PLD5: variants seen among roughly 807,000 people sequenced by gnomAD.
PLD5 encodes the protein phospholipase D family member 5.
A neutral mutation model predicts 61.1 loss-of-function variants in PLD5; 36 were observed. The observed-to-expected ratio is 0.59, with a 90% CI of 0.45 to 0.78. The LOEUF is 0.78. PLD5 is among the 30% of genes least tolerant of loss of function. The pLI is 0.00. For synonymous variants in PLD5, 243 were observed against 242.8 expected, an observed-to-expected ratio of 1.00 and a Z score of -0.01; for missense variants, 515 against 644.4, an observed-to-expected ratio of 0.80 and a Z score of 2.17.
At chr1:242,275,672 G>C (rs1278456418) in intron 3 of PLD5, among the ~76,000 whole-genome samples, 9 of 152,186 alleles carry the variant, frequency 5.9e-5, no homozygotes, top group Non-Finnish European at 1.5e-5. Flanking sequence ...GGAAGACAGA[G>C]CAAGGGAAAA....
At chr1:242,471,463 T>C (rs1418741723) in intron 1 of PLD5, among the ~76,000 whole-genome samples, 1 of 152,124 alleles carries the variant, frequency 6.6e-6, no homozygotes, top group Non-Finnish European at 1.5e-5. Context: ...AGGAAGTTAA[T>C]TCCTGAGCGA....
intron 1 of PLD5, among the ~76,000 whole-genome samples, chr1:242,393,514 A>ATATGTGTATATATGAG: frequency 1.2e-5 from 1 of 80,224 alleles, no homozygotes; most frequent in Admixed American, 1.6e-4. Flanking sequence ...ATATGAGTAT[A>ATATGTGTATATATGAG]TATATATGTG....
chr1:242,377,911 TTGG>T (rs1662057343), intron 1 of PLD5, among the ~76,000 whole-genome samples: 1 of 152,130 alleles, frequency 6.6e-6, no homozygotes, highest in Admixed American at 6.5e-5. Flanking sequence ...CTATACATTG[TTGG>T]TGGGAATGTA....
chr1:242,400,058 C>T (rs1347399236), intron 1 of PLD5, among the ~76,000 whole-genome samples: 1 of 152,116 alleles, frequency 6.6e-6, no homozygotes, highest in East Asian at 1.9e-4. Flanking sequence ...ATCTCAGCTA[C>T]TTGGCAGCGT....
chr1:242,086,911 C>T lies in PLD5; in HGVS notation c.*2943G>A, dbSNP rs1659503109. ...TCATAATTTCTGGCATGGACATCCA[C>T]CAGAGGGTGTCAAATTAACCTGTTT... On this transcript the variant is annotated 3_prime_UTR_variant, in exon 10 of 10. Transcript: ENST00000536534. The T allele has an allele frequency of 6.6e-6, 1 of 151,852 alleles. No individual in the cohort carries two copies. The highest frequency in any genetic ancestry group is 2.4e-5 in the African/African-American group (1 of 41,312). 9.4% of individuals were successfully genotyped at this position (151,852 alleles called of 1,614,324 possible). A position where few individuals can be genotyped will look rare whatever the true frequency, so the allele number is the denominator to read the frequency against.
At chr1:242,279,821 C>A (rs1252233315) in intron 3 of PLD5, among the ~76,000 whole-genome samples, 1 of 152,226 alleles carries the variant, frequency 6.6e-6, no homozygotes, top group Non-Finnish European at 1.5e-5. Context: ...CGTTGGCCAC[C>A]ACGCCCGGCA....
chr1:242,206,288 C>A (rs145616592), intron 5 of PLD5, among the ~76,000 whole-genome samples: 2 of 152,216 alleles, frequency 1.3e-5, no homozygotes, highest in South Asian at 4.1e-4. Flanking sequence ...CGCCTACTCC[C>A]TCTGGCTGAG....
At chr1:242,529,338 A>C (rs1669505287), upstream of PLD5, among the ~76,000 whole-genome samples, 3 of 152,184 alleles carry the variant, frequency 2.0e-5, no homozygotes, top group African/African-American at 7.2e-5. Context: ...TCTATGTACA[A>C]ACTTACTTTA....
Position 242,288,733 on chromosome 1 carries a change from C to G in PLD5, c.327-203G>C, listed in dbSNP as rs1675177306. Among the ~76,000 whole-genome samples, 3 of 152,300 alleles carry G rather than the reference C, an allele frequency of 2.0e-5. No homozygotes were observed. In the Middle Eastern group the frequency reaches 0.01, roughly 518 times the overall value. ...ACCTACTGTGTTCTGAGAGTTTATG[C>G]TCTATTTTTCCATAGTTAGCACTCA... On this transcript the variant is annotated intron_variant, in intron 2 of 9. Coordinates refer to ENST00000536534, the MANE Select transcript of PLD5 (RefSeq NM_001372062.1).
At chr1:242,197,041 C>G (rs1007896078) in intron 5 of PLD5, among the ~76,000 whole-genome samples, 3 of 152,032 alleles carry the variant, frequency 2.0e-5, no homozygotes, top group Non-Finnish European at 1.5e-5. Flanking sequence ...TGCCCCCTCT[C>G]AAGTAGGAGG....
At chr1:242,348,343 G>C in intron 1 of PLD5, 101 bp from the exon 2 acceptor site, 1 of 1,297,522 alleles carries the variant, frequency 7.7e-7, no homozygotes, top group Non-Finnish European at 1.0e-6. Flanking sequence ...AAATGGGTGG[G>C]GATACGATTA....
chr1:242,165,892 C>T (rs1189644859), intron 5 of PLD5, among the ~76,000 whole-genome samples: 1 of 152,108 alleles, frequency 6.6e-6, no homozygotes, highest in Admixed American at 6.5e-5. Flanking sequence ...TGACACACAC[C>T]CTATTCCCTT....
intron 1 of PLD5, among the ~76,000 whole-genome samples, chr1:242,367,552 A>G (rs1472070190): frequency 2.0e-5 from 3 of 152,334 alleles, no homozygotes; most frequent in East Asian, 1.9e-4. Context: ...CTACTAGCAC[A>G]TGAATGCCTC....
At chr1:242,360,912 G>C (rs1661029895) in intron 1 of PLD5, among the ~76,000 whole-genome samples, 1 of 152,026 alleles carries the variant, frequency 6.6e-6, no homozygotes. Context: ...CATTAATCTA[G>C]TCCAGAAGAT....
At chr1:242,173,836 G>A (rs1262224496) in intron 5 of PLD5, among the ~76,000 whole-genome samples, 1 of 152,102 alleles carries the variant, frequency 6.6e-6, no homozygotes, top group Non-Finnish European at 1.5e-5. Context: ...GGGAAAACTG[G>A]CTAGCCATAT....
chr1:242,502,255 C>T (rs1458649546), intron 1 of PLD5, among the ~76,000 whole-genome samples: 1 of 152,144 alleles, frequency 6.6e-6, no homozygotes, highest in Non-Finnish European at 1.5e-5. Flanking sequence ...GTGCTTGCCC[C>T]TAGATTTACA....
intron 1 of PLD5, among the ~76,000 whole-genome samples, chr1:242,391,630 C>T (rs898857373): frequency 7.2e-5 from 11 of 152,118 alleles, no homozygotes; most frequent in Admixed American, 7.2e-4. Context: ...ACAGGGTTTC[C>T]GAGTACCCAT....
In PLD5 at chr1:242,122,663, T is replaced by C. The variant is rs577760960; in HGVS notation, c.933+1805A>G. On this transcript the variant is annotated intron_variant, in intron 6 of 9. Transcript: ENST00000536534. ...CGTAAAATGCCCTATAATATGCTACTTGCTACTCCATTCTTGACCTCCTCC... is the reference window on the plus strand; with the variant it reads ...CGTAAAATGCCCTATAATATGCTACCTGCTACTCCATTCTTGACCTCCTCC... 2.1e-4 allele frequency among the ~76,000 whole-genome samples: 32 copies of C among 152,324 alleles called. 1 individual carries two copies. The highest frequency in any genetic ancestry group is 6.5e-4 in the Admixed American group (10 of 15,302).
intron 1 of PLD5, among the ~76,000 whole-genome samples, chr1:242,415,042 A>C (rs946835013): frequency 6.6e-5 from 10 of 152,250 alleles, no homozygotes; most frequent in African/African-American, 2.2e-4. Flanking sequence ...AACTAGAAAT[A>C]CATTGAGGTA....
Sources: gnomAD v4.1 joint callset for allele counts (sites outside exome capture counted in the v4.1 genomes callset) on GRCh38, gnomAD v4.1.1 for gene constraint, MANE v1.5 for transcripts, NCBI Gene and HGNC (gene_info 2026-07-23, HGNC 2026-07-21) for gene names.